The following ZNF875 variants were observed in gnomAD, a reference collection of about 807,000 sequenced individuals.
The protein encoded by ZNF875 is zinc finger protein 875.
ZNF875 carries 14 observed loss-of-function variants against 11.2 expected under a neutral mutation model. The ratio of observed to expected loss-of-function variants is 1.26; its 90% confidence interval spans 0.83 to 1.96. The LOEUF is 1.96. Among genes scored for constraint, ZNF875 ranks in the 30% most tolerant of loss-of-function variants. The pLI, the probability that ZNF875 is intolerant of heterozygous loss-of-function variation, is 0.00. For synonymous variants in ZNF875, 301 were observed against 281.1 expected (o/e 1.07, Z -0.71); for missense variants, 752 against 760.4 (o/e 0.99, Z 0.13).
At chr19:37,350,087 A>G (rs1163133379) in intron 4 of ZNF875, among the ~76,000 whole-genome samples, 2 of 66,266 alleles carry the variant, frequency 3.0e-5, no homozygotes, top group Non-Finnish European at 5.7e-5. Flanking sequence ...GTGAGCCACC[A>G]CGCCCGGCCC....
Position 37,347,228 on chromosome 19 carries a change from C to G in ZNF875, c.72C>G (p.Thr24=), listed in dbSNP as rs747228366. Residue 24 remains threonine (T), a synonymous_variant, in exon 3 of 5, where the codon ACC becomes ACG. Transcript: ENST00000392153. ...VAFRDVAVYF[T]QEEWRLLSPA... ...TCAGGGATGTGGCTGTGTACTTCAC[C>G]CAGGAGGAGTGGAGGTTGTTGAGCC... is the stretch of plus-strand genomic sequence containing the variant. The G allele has an allele frequency of 2.0e-4, 316 of 1,613,890 alleles. No individual in the cohort carries two copies. Among genetic ancestry groups the G allele is most frequent in the Non-Finnish European group, 2.6e-4 (304 of 1,179,978 alleles).
intron 4 of ZNF875, among the ~76,000 whole-genome samples, chr19:37,354,937 CT>C (rs1268740100): frequency 2.6e-5 from 4 of 152,148 alleles, no homozygotes; most frequent in South Asian, 2.1e-4. Context: ...GCCAAATAAA[CT>C]TTTTTGTAAA....
At chr19:37,329,554 A>G (rs1250439220) in intron 4 of ZNF875, among the ~76,000 whole-genome samples, 4 of 152,222 alleles carry the variant, frequency 2.6e-5, no homozygotes, top group Admixed American at 2.6e-4. Context: ...TTATGTGAAC[A>G]TAAGAAGTCT....
At chr19:37,314,577 A>G (rs1474296911), upstream of ZNF875, among the ~76,000 whole-genome samples, 1 of 152,100 alleles carries the variant, frequency 6.6e-6, no homozygotes, top group African/African-American at 2.4e-5. Context: ...GCAATCTCAG[A>G]ACTTTGGGAG....
chr19:37,329,977 G>A (rs2033128146), upstream of ZNF875, among the ~76,000 whole-genome samples: 1 of 151,932 alleles, frequency 6.6e-6, no homozygotes, highest in Admixed American at 6.6e-5. Context: ...CTTTCTAAGG[G>A]CAGATTGTGC....
At chr19:37,347,749 A>T (rs370613197) in intron 3 of ZNF875, 28 bp from the exon 4 acceptor site, 2 of 1,452,210 alleles carry the variant, frequency 1.4e-6, no homozygotes, top group Non-Finnish European at 1.9e-6. Context: ...ATAACCAACA[A>T]TGTCCTCATT....
At chr19:37,318,527 T>G (rs2030539862) in intron 1 of ZNF875, among the ~76,000 whole-genome samples, 1 of 150,292 alleles carries the variant, frequency 6.7e-6, no homozygotes, top group Non-Finnish European at 1.5e-5. Flanking sequence ...TTGTTTTCTT[T>G]TTTTTTTTTT....
chr19:37,323,846 G>A (rs960724809), intron 3 of ZNF875, among the ~76,000 whole-genome samples: 27 of 152,200 alleles, frequency 1.8e-4, no homozygotes, highest in African/African-American at 6.5e-4. Flanking sequence ...TGTGGGGACG[G>A]TGGTTTGATC....
chr19:37,343,509 T>C (rs2036182359), intron 2 of ZNF875, among the ~76,000 whole-genome samples: 2 of 152,280 alleles, frequency 1.3e-5, no homozygotes, highest in African/African-American at 4.8e-5. Flanking sequence ...AGCTGGCTGC[T>C]CAGCTACAGC....
intron 2 of ZNF875, chr19:37,337,370 G>A (rs2034693995): frequency 6.6e-6 from 1 of 152,238 alleles, no homozygotes; most frequent in Admixed American, 6.5e-5. Context: ...GCTGAGTTTT[G>A]AAGGATGTTA....
intron 4 of ZNF875, among the ~76,000 whole-genome samples, chr19:37,348,311 G>A (rs2050144258): frequency 6.6e-6 from 1 of 152,104 alleles, no homozygotes; most frequent in South Asian, 2.1e-4. Context: ...ACATACTCAT[G>A]TGCCAATGTC....
Position 37,362,377 on chromosome 19 carries a change from G to C in ZNF875, c.525G>C (p.Lys175Asn). 6.2e-7 allele frequency: 1 copy of C among 1,614,116 alleles called. No individual in the cohort carries two copies. The highest frequency in any genetic ancestry group is 8.5e-7 in the Non-Finnish European group (1 of 1,180,040). Reference sequence around the variant, plus strand: ...GAGTAAGCAAAAATGGCACTTCAAAGGCACTTTCCAGCCCACCTGAAGAAC... The same window carrying C: ...GAGTAAGCAAAAATGGCACTTCAAACGCACTTTCCAGCCCACCTGAAGAAC... ...FGRVSKNGTSKALSSPPEEQQ... is the reference protein window; with the variant it reads ...FGRVSKNGTSNALSSPPEEQQ... Residue 175 changes from lysine (K) to asparagine (N), a missense_variant, in exon 5 of 5, where the codon AAG becomes AAC. Physicochemically the swap from Lys to Asn is moderately conservative, Grantham distance 94. Coordinates refer to ENST00000392153, the MANE Select transcript of ZNF875 (RefSeq NM_001353803.2).
chr19:37,350,799 CTTTTTTTTTTT>C (rs61142979), intron 4 of ZNF875, among the ~76,000 whole-genome samples: 3 of 91,264 alleles, frequency 3.3e-5, no homozygotes, highest in African/African-American at 1.3e-4. Flanking sequence ...ATTCTTTTTG[CTTTTTTTTTTT>C]TTTTTTTTTT....
intron 4 of ZNF875, chr19:37,359,445 C>A: frequency 3.7e-6 from 1 of 271,986 alleles, no homozygotes. Context: ...TGCTCTGTTG[C>A]CAGGCTGGAA....
At chr19:37,326,205 C>A (rs1350856210) in intron 4 of ZNF875, among the ~76,000 whole-genome samples, 1 of 152,192 alleles carries the variant, frequency 6.6e-6, no homozygotes, top group Non-Finnish European at 1.5e-5. Context: ...TACAGCATTT[C>A]TCAGGTTGGA....
chr19:37,336,060 C>T (rs957295256), intron 2 of ZNF875, among the ~76,000 whole-genome samples: 2 of 152,068 alleles, frequency 1.3e-5, no homozygotes, highest in African/African-American at 4.8e-5. Context: ...GACATACATG[C>T]GTAATTGTTC....
chr19:37,352,414 T>C (rs937210728), intron 4 of ZNF875, among the ~76,000 whole-genome samples: 1 of 151,986 alleles, frequency 6.6e-6, no homozygotes, highest in Admixed American at 6.6e-5. Flanking sequence ...CTAATTTTTT[T>C]CCTATTTTTA....
intron 2 of ZNF875, among the ~76,000 whole-genome samples, chr19:37,339,159 A>C (rs1293345727): frequency 6.6e-6 from 1 of 151,790 alleles, no homozygotes; most frequent in Non-Finnish European, 1.5e-5. Context: ...TTCCTTTCTC[A>C]TTTGGATTTA....
At chr19:37,348,462 C>T (rs2037249346) in intron 4 of ZNF875, among the ~76,000 whole-genome samples, 1 of 152,144 alleles carries the variant, frequency 6.6e-6, no homozygotes, top group African/African-American at 2.4e-5. Context: ...TTTATCATTT[C>T]CTTCATATGT....
Sources: allele counts gnomAD v4.1 joint callset (sites outside exome capture counted in the v4.1 genomes callset), GRCh38; gene constraint gnomAD v4.1.1; transcripts MANE v1.5; gene names NCBI Gene and HGNC (gene_info 2026-07-23, HGNC 2026-07-21).